The following ATP11C variants were observed in gnomAD, a reference collection of about 807,000 sequenced individuals.
The protein encoded by ATP11C is ATPase phospholipid transporting 11C (ATP11C blood group).
ATP11C carries 36 observed loss-of-function variants against 97.4 expected under a neutral mutation model. That is an observed-to-expected ratio of 0.37 (90% confidence interval 0.28 to 0.49). The LOEUF is 0.49. ATP11C is among the 20% of genes least tolerant of loss of function. The probability of loss-of-function intolerance (pLI) is 0.98; values close to 1 mark genes in which losing one functional copy is unlikely to be tolerated. For missense variants in ATP11C, 730 were observed against 824.6 expected, an observed-to-expected ratio of 0.89 and a Z score of 1.40; for synonymous variants, 275 against 290.9, an observed-to-expected ratio of 0.95 and a Z score of 0.56.
chrX:139,878,170 T>C (rs1294389034), intron 1 of ATP11C, among the ~76,000 whole-genome samples: 1 of 112,491 alleles, frequency 8.9e-6, no homozygotes, highest in Non-Finnish European at 1.9e-5. Flanking sequence ...TTTTACTTTC[T>C]GACACGTAAA....
At chrX:139,744,872 A>T (rs1027199732) in intron 25 of ATP11C, among the ~76,000 whole-genome samples, 1 of 111,807 alleles carries the variant, frequency 8.9e-6, no homozygotes, top group African/African-American at 3.2e-5. Flanking sequence ...AGAGGTTTTG[A>T]CTGTAGTGCC....
At chrX:139,820,162 G>C (rs1307947998) in intron 2 of ATP11C, among the ~76,000 whole-genome samples, 2 of 106,839 alleles carry the variant, frequency 1.9e-5, no homozygotes, top group African/African-American at 7.0e-5. Context: ...CTCCAGCCTA[G>C]ACAACAGAGC....
At chrX:139,797,013 C>A (rs1174761886) in intron 11 of ATP11C, among the ~76,000 whole-genome samples, 163 bp downstream of exon 11, 1 of 108,853 alleles carries the variant, frequency 9.2e-6, no homozygotes, top group African/African-American at 3.3e-5. Flanking sequence ...CTTTTTCTTT[C>A]TTTTACAATA....
At chrX:139,798,584 G>T in intron 9 of ATP11C, 95 bp downstream of exon 9, 1 of 737,280 alleles carries the variant, frequency 1.4e-6, no homozygotes, top group Non-Finnish European at 2.0e-6. Flanking sequence ...TAAATTAAAT[G>T]GCAAACCTGC....
intron 12 of ATP11C, among the ~76,000 whole-genome samples, chrX:139,791,147 T>A (rs1466394193): frequency 1.9e-5 from 2 of 103,132 alleles, no homozygotes; most frequent in Admixed American, 2.1e-4. Flanking sequence ...GGCACAAATA[T>A]AGCATTCCAA....
At chrX:139,864,526 CAA>C (rs1381026980) in intron 1 of ATP11C, among the ~76,000 whole-genome samples, 3 of 112,031 alleles carry the variant, frequency 2.7e-5, no homozygotes, top group Non-Finnish European at 3.8e-5. Context: ...TCATCTTTGC[CAA>C]GTTACTTAGC....
intron 8 of ATP11C, among the ~76,000 whole-genome samples, chrX:139,799,414 C>G: frequency 9.0e-6 from 1 of 111,180 alleles, no homozygotes; most frequent in East Asian, 2.8e-4. Context: ...TTCTCAATTA[C>G]TCTCCCACTG....
chrX:139,787,308 T>C (rs1324571052), intron 14 of ATP11C, 64 bp from the exon 15 acceptor site: 2 of 917,982 alleles, frequency 2.2e-6, no homozygotes, highest in East Asian at 3.7e-5. Flanking sequence ...TTTATTATTA[T>C]TTTTTTTGAG....
At chrX:139,830,009 C>G (rs185095442) in intron 1 of ATP11C, among the ~76,000 whole-genome samples, 1 of 111,710 alleles carries the variant, frequency 9.0e-6, no homozygotes, top group Non-Finnish European at 1.9e-5. Context: ...TTGGTTGCCT[C>G]CAGACCTGAC....
intron 1 of ATP11C, among the ~76,000 whole-genome samples, chrX:139,915,954 C>G (rs2085149913): frequency 1.8e-5 from 2 of 111,440 alleles, no homozygotes; most frequent in South Asian, 7.5e-4. Flanking sequence ...ATGTGGCCAG[C>G]ACGGTGGCTC....
chrX:139,834,438 T>TCC (rs769204466), intron 1 of ATP11C, among the ~76,000 whole-genome samples: 1 of 111,644 alleles, frequency 9.0e-6, no homozygotes, highest in South Asian at 3.8e-4. Flanking sequence ...CATCATCTCT[T>TCC]CCCTCTCCCC....
chrX:139,822,797 C>G (rs999938073), intron 2 of ATP11C, among the ~76,000 whole-genome samples: 6 of 109,981 alleles, frequency 5.5e-5, no homozygotes, highest in Admixed American at 1.9e-4. Flanking sequence ...CTCAGCCTCC[C>G]GAAGTGCTGG....
intron 1 of ATP11C, among the ~76,000 whole-genome samples, chrX:139,865,078 T>C (rs2084259235): frequency 8.9e-6 from 1 of 112,315 alleles, no homozygotes; most frequent in Admixed American, 9.5e-5. Context: ...GTTCCCATTT[T>C]TGTCTAAAAT....
At chrX:139,736,247 C>A (rs1168955139) in intron 28 of ATP11C, among the ~76,000 whole-genome samples, 1 of 111,760 alleles carries the variant, frequency 8.9e-6, no homozygotes, top group Non-Finnish European at 1.9e-5. Context: ...GTCTATGTAA[C>A]AGTCACCTCC....
intron 16 of ATP11C, 75 bp downstream of exon 16, chrX:139,785,151 T>C: frequency 1.2e-6 from 1 of 806,118 alleles, no homozygotes; most frequent in Non-Finnish European, 1.8e-6. Flanking sequence ...AATGATTCTC[T>C]TTCCTGAAAG....
rs1408309991 is a variant in ATP11C at position 139,931,410 on chromosome X, C to T, written c.27+606G>A. 4.5e-5 allele frequency among the ~76,000 whole-genome samples: 5 copies of T among 111,895 alleles called. No individual in the cohort carries two copies. The East Asian group carries it at 1.1e-3, about 25-fold the overall frequency. On this transcript the variant is annotated intron_variant, in intron 1 of 29. Transcript: ENST00000682941. ...CGCAGCCTCCTCGCGGCTGCACATC[C>T]ACCCGGCCCACCCTGACAATCACGC...
chrX:139,852,736 G>A (rs1354360383), intron 1 of ATP11C, among the ~76,000 whole-genome samples: 1 of 109,851 alleles, frequency 9.1e-6, no homozygotes, highest in Non-Finnish European at 1.9e-5. Context: ...TATGGCTTAG[G>A]GCAGATCCTG....
chrX:139,888,358 C>T (rs965171030), intron 1 of ATP11C, among the ~76,000 whole-genome samples: 1 of 110,429 alleles, frequency 9.1e-6, no homozygotes, highest in Non-Finnish European at 1.9e-5. Flanking sequence ...CTCTCGAACT[C>T]CTGACCTCAA....
intron 1 of ATP11C, among the ~76,000 whole-genome samples, chrX:139,890,730 G>T (rs1718393531): frequency 8.9e-6 from 1 of 112,437 alleles, no homozygotes. Flanking sequence ...AACCTGGACT[G>T]AAGTAGTTTA....
Sources: gnomAD v4.1 joint callset for allele counts (sites outside exome capture counted in the v4.1 genomes callset) on GRCh38, gnomAD v4.1.1 for gene constraint, MANE v1.5 for transcripts, NCBI Gene and HGNC (gene_info 2026-07-23, HGNC 2026-07-21) for gene names.